LRP1B: variants seen among roughly 807,000 people sequenced by gnomAD.
The protein encoded by LRP1B is low-density lipoprotein receptor-related protein 1B.
A neutral mutation model predicts 556.6 loss-of-function variants in LRP1B; 217 were observed. The ratio of observed to expected loss-of-function variants is 0.39; its 90% CI spans 0.35 to 0.44. The LOEUF is 0.44. Ranked by LOEUF, LRP1B falls within the 20% of genes least tolerant of loss-of-function variation. The pLI is 1.00. For synonymous variants in LRP1B, 2,047 were observed against 1,865.8 expected (o/e 1.10, Z -2.50); for missense variants, 5,053 against 5,620.8 (o/e 0.90, Z 3.23).
intron 32 of LRP1B, among the ~76,000 whole-genome samples, chr2:140,800,488 T>C (rs1452056339): frequency 1.3e-5 from 2 of 152,148 alleles, no homozygotes; most frequent in Non-Finnish European, 2.9e-5. Flanking sequence ...ATTTCTAGAA[T>C]AAGCAATGTT....
At position 140,256,449 on chromosome 2, in the gene LRP1B, CTTTTTTTTTTTTTTTTTTTTTT is replaced by C. The variant is rs764826231; in HGVS notation, c.13248-9309_13248-9288del. Among the ~76,000 whole-genome samples the C allele has an allele frequency of 3.3e-3, 84 of 25,338 alleles. 2 individuals are homozygous for C. The South Asian group carries it at 0.04, about 12-fold the overall frequency. 16.6% of individuals were successfully genotyped at this position (25,338 alleles called of 152,430 possible). ...GGTTTTCTTTTCTCTTTTTTCCTTCCTTTTTTTTTTTTTTTTTTTTTTTTTTTTTTTTTTTTTTAAGACAGAG... is the reference window on the plus strand; with the variant it reads ...GGTTTTCTTTTCTCTTTTTTCCTTCCTTTTTTTTTTTTTTTTAAGACAGAG... On this transcript the variant is annotated intron_variant, in intron 86 of 90. Coordinates refer to ENST00000389484, the MANE Select transcript of LRP1B (RefSeq NM_018557.3).
chr2:140,449,925 G>A (rs1004820819), intron 63 of LRP1B, among the ~76,000 whole-genome samples: 1 of 152,134 alleles, frequency 6.6e-6, no homozygotes, highest in African/African-American at 2.4e-5. Flanking sequence ...AAGTACAAAA[G>A]GCTATCAAGG....
intron 1 of LRP1B, among the ~76,000 whole-genome samples, chr2:142,010,633 T>C (rs998428262): frequency 6.2e-5 from 9 of 144,182 alleles, no homozygotes; most frequent in African/African-American, 2.3e-4. Context: ...CACAACAGAA[T>C]ACCCTCTCGT....
At chr2:140,305,406 C>G (rs935380070) in intron 83 of LRP1B, among the ~76,000 whole-genome samples, 3 of 152,028 alleles carry the variant, frequency 2.0e-5, no homozygotes, top group Admixed American at 2.0e-4. Context: ...GTATTTTATT[C>G]TCTTTGAAGC....
intron 1 of LRP1B, among the ~76,000 whole-genome samples, chr2:142,115,008 A>C (rs1707133156): frequency 6.6e-6 from 1 of 152,156 alleles, no homozygotes; most frequent in South Asian, 2.1e-4. Flanking sequence ...GTGTCCATAA[A>C]TATGTACAGC....
chr2:141,464,490 G>A (rs542966752), intron 3 of LRP1B, among the ~76,000 whole-genome samples: 2 of 149,608 alleles, frequency 1.3e-5, no homozygotes, highest in Non-Finnish European at 3.0e-5. Context: ...TCGGCTCACT[G>A]CAAGCTCTGC....
In LRP1B at chr2:142,115,697, TATATATATA is replaced by T. The variant is rs1559080282; in HGVS notation, c.82+14942_82+14950del. ...TAATATATATATAATATATATGTAA[TATATATATA>T]ATATATATGTAATATATATATAATA... On this transcript the variant is annotated intron_variant, in intron 1 of 90. Coordinates refer to ENST00000389484, the MANE Select transcript of LRP1B (RefSeq NM_018557.3). 4.9e-3 allele frequency among the ~76,000 whole-genome samples: 103 copies of T among 20,884 alleles called. 41 individuals are homozygous for T. The highest frequency in any genetic ancestry group is 0.015 in the African/African-American group (97 of 6,632). The allele number at this position is 20,884 out of a possible 152,430, so 13.7% of individuals were successfully genotyped here.
At chr2:140,423,058 T>C (rs1197412362) in intron 66 of LRP1B, among the ~76,000 whole-genome samples, 2 of 152,182 alleles carry the variant, frequency 1.3e-5, no homozygotes, top group Non-Finnish European at 2.9e-5. Flanking sequence ...CAAGAAGCAG[T>C]AAATTCCAGC....
intron 3 of LRP1B, among the ~76,000 whole-genome samples, chr2:141,436,609 G>A (rs1339416052): frequency 5.5e-5 from 3 of 54,632 alleles, no homozygotes; most frequent in Non-Finnish European, 1.2e-4. Context: ...CCTTTCTTAG[G>A]TGATATATAT....
chr2:142,093,423 GGA>G (rs1167426840), intron 1 of LRP1B, among the ~76,000 whole-genome samples: 1 of 152,092 alleles, frequency 6.6e-6, no homozygotes, highest in Admixed American at 6.6e-5. Context: ...TGCAAGGAAT[GGA>G]GAGTTAGCTC....
intron 7 of LRP1B, among the ~76,000 whole-genome samples, chr2:141,155,058 A>G (rs557735063): frequency 1.3e-5 from 2 of 152,108 alleles, no homozygotes; most frequent in South Asian, 4.1e-4. Context: ...TAAAGAGTAT[A>G]AAAATTCATA....
At chr2:141,581,661 G>A (rs76217856) in intron 2 of LRP1B, among the ~76,000 whole-genome samples, 9 of 152,182 alleles carry the variant, frequency 5.9e-5, no homozygotes, top group East Asian at 1.9e-4. Context: ...AGATAATTAC[G>A]ATGCTTCAAC....
At chr2:141,997,798 T>C (rs1702542892) in intron 1 of LRP1B, among the ~76,000 whole-genome samples, 1 of 152,066 alleles carries the variant, frequency 6.6e-6, no homozygotes, top group African/African-American at 2.4e-5. Flanking sequence ...CACCCTGTGC[T>C]GCATAAGGGA....
intron 2 of LRP1B, among the ~76,000 whole-genome samples, chr2:141,668,006 T>G (rs1558792429): frequency 6.6e-6 from 1 of 152,190 alleles, no homozygotes; most frequent in South Asian, 2.1e-4. Context: ...AGATTACATG[T>G]GTATGTCAAG....
rs565617404 is a variant in LRP1B, at chr2:140,478,942, C to G, written c.9426-3605G>C. Among the ~76,000 whole-genome samples the G allele has an allele frequency of 5.3e-5, 8 of 152,188 alleles. No individual in the cohort carries two copies. The South Asian group carries it at 1.7e-3, about 32-fold the overall frequency. ...TTTTTAGTTTAGTAATACTCTCCTACTAGACTACCTATTGCATCTGGATTG... is the reference window on the plus strand; with the variant it reads ...TTTTTAGTTTAGTAATACTCTCCTAGTAGACTACCTATTGCATCTGGATTG... On this transcript the variant is annotated intron_variant, in intron 59 of 90. Transcript: ENST00000389484.
intron 7 of LRP1B, among the ~76,000 whole-genome samples, chr2:141,090,738 G>T (rs1157790961): frequency 6.6e-6 from 1 of 152,122 alleles, no homozygotes; most frequent in Non-Finnish European, 1.5e-5. Context: ...AACATTAAAT[G>T]AAATGTTTTG....
chr2:141,139,847 C>T (rs951566789), intron 7 of LRP1B, among the ~76,000 whole-genome samples: 2 of 150,668 alleles, frequency 1.3e-5, no homozygotes, highest in African/African-American at 4.9e-5. Flanking sequence ...CTTCTACTCA[C>T]ATTTACCAAG....
intron 2 of LRP1B, among the ~76,000 whole-genome samples, chr2:141,687,226 C>A (rs1691346453): frequency 6.6e-6 from 1 of 151,868 alleles, no homozygotes. Context: ...TTGTCATAAT[C>A]AGAGATGCCA....
At chr2:141,837,447 G>A (rs550707481) in intron 1 of LRP1B, among the ~76,000 whole-genome samples, 1 of 151,948 alleles carries the variant, frequency 6.6e-6, no homozygotes, top group South Asian at 2.1e-4. Flanking sequence ...TGCAAATTTT[G>A]TGCCTGTACA....
Sources: allele counts gnomAD v4.1 joint callset (sites outside exome capture counted in the v4.1 genomes callset), GRCh38; gene constraint gnomAD v4.1.1; transcripts MANE v1.5; gene names NCBI Gene and HGNC (gene_info 2026-07-23, HGNC 2026-07-21).